The following SGMS1 variants were observed in gnomAD, a reference collection of about 807,000 sequenced individuals.
The protein encoded by SGMS1 is phosphatidylcholine:ceramide cholinephosphotransferase 1.
In SGMS1, 13 loss-of-function variants were observed where a neutral mutation model predicts 46.2. The observed-to-expected ratio is 0.28, with a 90% CI of 0.18 to 0.45. The LOEUF is 0.45. SGMS1 is among the 20% of genes least tolerant of loss of function. The pLI is 1.00. For synonymous variants in SGMS1, 203 were observed against 187.8 expected (o/e 1.08, Z -0.66); for missense variants, 324 against 519.9 (o/e 0.62, Z 3.66).
rs1200014435 is a variant in SGMS1 at position 50,453,719 on chromosome 10, GA to G, written c.-313+6953del. On this transcript the variant is annotated intron_variant, in intron 5 of 10. Transcript: ENST00000361781. ...TTCCTAATAGCAATATTTAGGCCCA[GA>G]AAACCCAAAGATTCTCAGGGAGAGA... 2.8e-5 allele frequency among the ~76,000 whole-genome samples: 4 copies of G among 144,566 alleles called. No individual in the cohort carries two copies. In the Admixed American group the frequency reaches 2.9e-4, roughly 10 times the overall value. The allele number at this position is 144,566 out of a possible 152,430, so 94.8% of individuals were successfully genotyped here.
chr10:50,468,492 T>G (rs2133697756), intron 3 of SGMS1, among the ~76,000 whole-genome samples: 1 of 152,296 alleles, frequency 6.6e-6, no homozygotes, highest in South Asian at 2.1e-4. Context: ...ATCAAAGAAG[T>G]TTCAAAAGAA....
intron 6 of SGMS1, among the ~76,000 whole-genome samples, chr10:50,415,419 C>G (rs1849156848): frequency 6.6e-6 from 1 of 152,158 alleles, no homozygotes; most frequent in Non-Finnish European, 1.5e-5. Flanking sequence ...ATGCTTCCCC[C>G]TCTCCATGAC....
intron 1 of SGMS1, among the ~76,000 whole-genome samples, chr10:50,609,664 C>G (rs907718781): frequency 3.3e-5 from 5 of 151,776 alleles, no homozygotes; most frequent in African/African-American, 1.2e-4. Context: ...TTTAACCAAT[C>G]CCCTATATTT....
intron 5 of SGMS1, among the ~76,000 whole-genome samples, chr10:50,454,066 AAAAG>A (rs1554940647): frequency 1.3e-5 from 2 of 148,554 alleles, no homozygotes; most frequent in African/African-American, 2.5e-5. Flanking sequence ...AAAAAAAAAA[AAAAG>A]AAAGAAAGAA....
At chr10:50,482,370 C>A (rs1217304590) in intron 3 of SGMS1, among the ~76,000 whole-genome samples, 3 of 152,204 alleles carry the variant, frequency 2.0e-5, no homozygotes, top group African/African-American at 7.2e-5. Flanking sequence ...CATTATTCAA[C>A]ATTCTTAAAG....
chr10:50,307,101 G>A lies in SGMS1; in HGVS notation c.*41C>T, dbSNP rs758073624. 3.1e-6 allele frequency: 5 copies of A among 1,590,298 alleles called. No homozygotes were observed. In the Admixed American group the frequency reaches 8.5e-5, roughly 27 times the overall value. On this transcript the variant is annotated 3_prime_UTR_variant, in exon 11 of 11. Transcript: ENST00000361781. This position sits in a 1 kb window ranked among gnomAD's most constrained non-coding sequence, Gnocchi z 4.2. Reference sequence around the variant, plus strand: ...GGCATCTTCTCTCATGGAGTTCTTAGCACTTCGGACAATTTGTCTTTTCCC... The same window carrying A: ...GGCATCTTCTCTCATGGAGTTCTTAACACTTCGGACAATTTGTCTTTTCCC...
At chr10:50,577,118 G>A (rs1838392123) in intron 2 of SGMS1, among the ~76,000 whole-genome samples, 1 of 152,148 alleles carries the variant, frequency 6.6e-6, no homozygotes, top group South Asian at 2.1e-4. Context: ...GGAGTCTTTT[G>A]GAAGACTCAG....
chr10:50,529,192 C>T (rs1249710377), intron 2 of SGMS1, among the ~76,000 whole-genome samples: 1 of 152,170 alleles, frequency 6.6e-6, no homozygotes, highest in African/African-American at 2.4e-5. Flanking sequence ...CACCAATATT[C>T]GAATCAATTA....
chr10:50,397,745 T>G (rs1848867939), intron 6 of SGMS1, among the ~76,000 whole-genome samples: 1 of 152,216 alleles, frequency 6.6e-6, no homozygotes, highest in South Asian at 2.1e-4. Flanking sequence ...AGCTGTTACT[T>G]AAGCAACCAT....
At chr10:50,468,598 T>C (rs1385488242) in intron 3 of SGMS1, among the ~76,000 whole-genome samples, 1 of 152,134 alleles carries the variant, frequency 6.6e-6, no homozygotes, top group African/African-American at 2.4e-5. Flanking sequence ...AAGAACAGTG[T>C]CCCTCAGAGA....
intron 6 of SGMS1, among the ~76,000 whole-genome samples, chr10:50,389,171 A>C (rs1454462984): frequency 3.9e-5 from 6 of 152,216 alleles, no homozygotes; most frequent in Non-Finnish European, 7.3e-5. Flanking sequence ...TCCCAAGAAT[A>C]CTATGGGTAG....
intron 6 of SGMS1, among the ~76,000 whole-genome samples, chr10:50,352,905 G>T (rs1336768187): frequency 1.3e-5 from 2 of 152,126 alleles, no homozygotes; most frequent in Non-Finnish European, 2.9e-5. Flanking sequence ...TTGAATCTCT[G>T]AACAGACCAA....
At chr10:50,519,040 T>C (rs1837834334) in intron 3 of SGMS1, among the ~76,000 whole-genome samples, 1 of 152,094 alleles carries the variant, frequency 6.6e-6, no homozygotes, top group African/African-American at 2.4e-5. Context: ...CCAGAAAAAT[T>C]AATTTACTAC....
At chr10:50,554,432 A>G (rs564293973) in intron 2 of SGMS1, among the ~76,000 whole-genome samples, 8 of 152,374 alleles carry the variant, frequency 5.3e-5, no homozygotes, top group Admixed American at 4.6e-4. Context: ...TATATATTTT[A>G]ACTTTAAAAT....
chr10:50,420,863 A>G (rs1194079497), intron 6 of SGMS1, among the ~76,000 whole-genome samples: 6 of 152,220 alleles, frequency 3.9e-5, no homozygotes, highest in African/African-American at 1.4e-4. Flanking sequence ...GACAGGAAAG[A>G]GAGATGATCT....
At position 50,433,526 on chromosome 10, in the gene SGMS1, T is replaced by C. The variant is rs1849432654; in HGVS notation, c.-282A>G. 1 of 152,382 alleles carries C rather than the reference T, an allele frequency of 6.6e-6. No individual in the cohort carries two copies. The highest frequency in any genetic ancestry group is 1.5e-5 in the Non-Finnish European group (1 of 68,048). The allele number at this position is 152,382 out of a possible 1,614,324, so 9.4% of individuals were successfully genotyped here. On this transcript the variant is annotated 5_prime_UTR_variant, in exon 6 of 11. Coordinates refer to ENST00000361781, the MANE Select transcript of SGMS1 (RefSeq NM_147156.4). ...TCTTGGCTTCCTATAAGCTACCAGC[T>C]TCTCCCATTGTTCCAGTACAGTTCC...
At position 50,420,296 on chromosome 10, in the gene SGMS1, C is replaced by T. The variant is rs888162985; in HGVS notation, c.-232+13180G>A. On this transcript the variant is annotated intron_variant, in intron 6 of 10. Transcript: ENST00000361781. ...CTCTTAATGGTTCACTACCAATAGG[C>T]GTAACATGAAGGCTTCTTTCATATC... Among the ~76,000 whole-genome samples the T allele has an allele frequency of 3.3e-5, 5 of 152,292 alleles. No individual in the cohort carries two copies. The East Asian group carries it at 5.8e-4, about 18-fold the overall frequency.
intron 1 of SGMS1, among the ~76,000 whole-genome samples, chr10:50,597,089 T>C (rs948624606): frequency 6.6e-6 from 1 of 152,188 alleles, no homozygotes; most frequent in African/African-American, 2.4e-5. Flanking sequence ...TGGCATATGC[T>C]GCGGTAGGTG....
chr10:50,413,685 A>G (rs569773134), intron 6 of SGMS1, among the ~76,000 whole-genome samples: 141 of 152,270 alleles, frequency 9.3e-4, no homozygotes, highest in African/African-American at 2.9e-3. Flanking sequence ...AAATATACCA[A>G]ATTTTCCCTG....
Sources: allele counts gnomAD v4.1 joint callset (sites outside exome capture counted in the v4.1 genomes callset), GRCh38; gene constraint gnomAD v4.1.1; non-coding constraint Gnocchi (gnomAD v3.1); transcripts MANE v1.5; gene names NCBI Gene and HGNC (gene_info 2026-07-23, HGNC 2026-07-21).